The following HAGH variants were observed in gnomAD, a reference collection of about 807,000 sequenced individuals.
HAGH encodes hydroxyacylglutathione hydrolase.
A neutral mutation model predicts 35.1 loss-of-function variants in HAGH; 29 were observed. The observed-to-expected ratio is 0.83, with a 90% CI of 0.62 to 1.13. The LOEUF (loss-of-function observed/expected upper bound fraction) is 1.13, where lower values mean the gene tolerates loss of function less well. HAGH is among the 50% of genes most tolerant of loss of function. HAGH has a pLI of 0.00. For synonymous variants in HAGH, 225 were observed against 176.1 expected, an observed-to-expected ratio of 1.28 and a Z score of -2.20; for missense variants, 478 against 419.6, an observed-to-expected ratio of 1.14 and a Z score of -1.22.
intron 5 of HAGH, among the ~76,000 whole-genome samples, chr16:1,817,620 T>C (rs1343674937): frequency 1.3e-5 from 2 of 152,204 alleles, no homozygotes; most frequent in Non-Finnish European, 2.9e-5. Context: ...GGCTCCCATC[T>C]TCCCTTGGCC....
At chr16:1,824,672 T>C (rs1319438714) in intron 1 of HAGH, among the ~76,000 whole-genome samples, 2 of 152,122 alleles carry the variant, frequency 1.3e-5, no homozygotes, top group Non-Finnish European at 2.9e-5. Context: ...CACACGCGTC[T>C]CCAGGGCCCA....
intron 7 of HAGH, among the ~76,000 whole-genome samples, chr16:1,815,880 G>A (rs190121231): frequency 4.6e-5 from 7 of 151,828 alleles, no homozygotes; most frequent in East Asian, 2.0e-4. Flanking sequence ...TTAGCTGGGC[G>A]TGTTGGCTGG....
chr16:1,821,978 A>C (rs1187604142), intron 3 of HAGH: 5 of 259,984 alleles, frequency 1.9e-5, no homozygotes, highest in South Asian at 1.6e-4. Context: ...AAAACCACTC[A>C]CCTGTAGACT....
At chr16:1,820,079 G>A in intron 3 of HAGH, 65 bp from the exon 4 acceptor site, 1 of 850,090 alleles carries the variant, frequency 1.2e-6, no homozygotes, top group South Asian at 1.4e-5. Context: ...TGAGCTGAGG[G>A]GGCTGCCTGC....
intron 7 of HAGH, among the ~76,000 whole-genome samples, chr16:1,813,938 C>T (rs1897773442): frequency 6.6e-6 from 1 of 152,154 alleles, no homozygotes; most frequent in Non-Finnish European, 1.5e-5. Context: ...CAAGGCAATC[C>T]AGGGAGGAAA....
chr16:1,811,583 CAT>C (rs1567251772), intron 7 of HAGH, among the ~76,000 whole-genome samples: 1 of 151,588 alleles, frequency 6.6e-6, no homozygotes, highest in East Asian at 2.0e-4. Context: ...CGTGGTGGCA[CAT>C]GTCTGTAATT....
At chr16:1,819,325 T>C (rs2076452) in intron 4 of HAGH, 102 bp from the exon 5 acceptor site, 174,862 of 674,008 alleles carry the variant, frequency 0.26, 24,740 homozygotes, top group East Asian at 0.47. Flanking sequence ...TCCTCAGCTC[T>C]GAGGGAAATG....
chr16:1,812,677 A>G (rs1303230434), intron 7 of HAGH, among the ~76,000 whole-genome samples: 2 of 152,180 alleles, frequency 1.3e-5, no homozygotes, highest in Non-Finnish European at 2.9e-5. Flanking sequence ...CCTTGGGATA[A>G]ACAAAGATTT....
chr16:1,823,635 C>G (rs560723203), intron 1 of HAGH, among the ~76,000 whole-genome samples: 1 of 150,244 alleles, frequency 6.7e-6, no homozygotes, highest in East Asian at 2.0e-4. Context: ...CCCAGCTACT[C>G]CGGAGGCTGA....
rs1295870972 is a variant in HAGH at position 1,809,829 on chromosome 16, T to C, written c.752A>G (p.Lys251Arg). ...IREKLAWAKEKYSIGEPTVPS... is the reference protein window; with the variant it reads ...IREKLAWAKERYSIGEPTVPS... ...CACTGTGGGCTCCCCGATGCTGTAC[T>C]TCTCCTGCAAGAGAAACGCACCACT... Residue 251 changes from lysine to arginine, a missense_variant, in exon 8 of 9, where the codon AAG becomes AGG. Coordinates refer to ENST00000397356, the MANE Select transcript of HAGH (RefSeq NM_005326.6). The C allele has an allele frequency of 2.5e-6, 4 of 1,612,934 alleles. No homozygotes were observed. The highest frequency in any genetic ancestry group is 3.4e-6 in the Non-Finnish European group (4 of 1,178,916).
At position 1,822,900 on chromosome 16, in the gene HAGH, C is replaced by T. The variant is rs143289307; in HGVS notation, c.214G>A (p.Glu72Lys). ...MYLVIDDETK[E>K]AAIVDPVQPQ... ...TGCACCGGATCCACAATGGCAGCCTCCTTGGTCTCATCATCAATGACCAGG... is the reference window on the plus strand; with the variant it reads ...TGCACCGGATCCACAATGGCAGCCTTCTTGGTCTCATCATCAATGACCAGG... The change falls in exon 2 of 9, where the codon GAG becomes AAG. Residue 72 changes from glutamate (E) to lysine (K), a missense_variant. Coordinates refer to ENST00000397356, the MANE Select transcript of HAGH (RefSeq NM_005326.6). 3.0e-5 allele frequency: 49 copies of T among 1,613,748 alleles called. No individual in the cohort carries two copies. In the African/African-American group the frequency reaches 3.9e-4, roughly 13 times the overall value.
Position 1,822,276 on chromosome 16 carries a change from C to T in HAGH, c.314+24G>A, listed in dbSNP as rs142111277. On this transcript the variant is annotated intron_variant, in intron 3 of 8. Transcript: ENST00000397356. The stretch of plus-strand genomic sequence containing the variant: ...GCGAGAAGTGAGCCAGGTCCCACAC[C>T]CCCAGGTGAGACGCGGCACTTACCA... 696 of 1,545,172 alleles carry T rather than the reference C, an allele frequency of 4.5e-4. 1 individual carries two copies. The highest frequency in any genetic ancestry group is 3.9e-3 in the Middle Eastern group (23 of 5,926).
At chr16:1,816,671 C>T (rs902386049) in intron 7 of HAGH, among the ~76,000 whole-genome samples, 1 of 152,248 alleles carries the variant, frequency 6.6e-6, no homozygotes, top group African/African-American at 2.4e-5. Flanking sequence ...GCGCTTTTTA[C>T]ACACGCAGCG....
In HAGH at chr16:1,808,297, A is replaced by C. The variant is rs953756183; in HGVS notation, c.*986T>G. On this transcript the variant is annotated 3_prime_UTR_variant, in exon 9 of 9. Transcript: ENST00000397356. ...TAACTTTTTAAAAAGATTATTATTA[A>C]ATTTCATATTTTTTTTTTTTTGAGA... 4.0e-5 allele frequency: 6 copies of C among 151,398 alleles called. No individual in the cohort carries two copies. Among genetic ancestry groups the C allele is most frequent in the African/African-American group, 1.2e-4 (5 of 41,110 alleles). 9.4% of individuals were successfully genotyped at this position (151,398 alleles called of 1,614,324 possible).
rs144480059 is a variant in HAGH, at chr16:1,820,036, T to TGGGCTGCCTGCTGAGCTGAGG, written c.315-43_315-23dup. 1.8e-3 allele frequency: 2,036 copies of TGGGCTGCCTGCTGAGCTGAGG among 1,130,160 alleles called. 19 individuals are homozygous for TGGGCTGCCTGCTGAGCTGAGG. Among genetic ancestry groups the TGGGCTGCCTGCTGAGCTGAGG allele is most frequent in the African/African-American group, 0.017 (1,087 of 65,136 alleles). 70.0% of individuals were successfully genotyped at this position (1,130,160 alleles called of 1,614,324 possible). On this transcript the variant is annotated intron_variant, in intron 3 of 8. Transcript: ENST00000397356. Reference sequence around the variant, plus strand: ...GTCCCTAGAAGTCAAACAGGAGACCTGGGCTGCCTGCTGAGCTGAGGGGGC... The same window carrying TGGGCTGCCTGCTGAGCTGAGG: ...GTCCCTAGAAGTCAAACAGGAGACCTGGGCTGCCTGCTGAGCTGAGGGGGCTGCCTGCTGAGCTGAGGGGGC...
At chr16:1,810,291 A>G (rs1897587284) in intron 7 of HAGH, 4 of 164,880 alleles carry the variant, frequency 2.4e-5, no homozygotes. Context: ...GTCCGGGATG[A>G]GCCACACATC....
intron 7 of HAGH, chr16:1,811,024 A>G (rs1897625763): frequency 6.6e-6 from 1 of 152,252 alleles, no homozygotes; most frequent in African/African-American, 2.4e-5. Context: ...AAACAGAGGA[A>G]GTACAAATTG....
chr16:1,812,892 G>T (rs905954606), intron 7 of HAGH, among the ~76,000 whole-genome samples: 4 of 126,408 alleles, frequency 3.2e-5, no homozygotes, highest in African/African-American at 6.0e-5. Context: ...TGGCTCCACC[G>T]TGTGGTGTGC....
Position 1,809,813 on chromosome 16 carries a change from CT to C in HAGH, c.767del (p.Glu256GlyfsTer18). 6.2e-7 allele frequency: 1 copy of C among 1,613,486 alleles called. No homozygotes were observed. Among genetic ancestry groups the C allele is most frequent in the Non-Finnish European group, 8.5e-7 (1 of 1,179,404 alleles). On this transcript the variant is annotated frameshift_variant, in exon 8 of 9. Transcript: ENST00000397356. LOFTEE classifies it high-confidence loss of function. ...CTGCCAGGGTGGATGGCACTGTGGG[CT>C]CCCCGATGCTGTACTTCTCCTGCAA... ...AWAKEKYSIG[E>X]PTVPSTLAEE... is the part of the protein sequence containing the mutation.
Sources: gnomAD v4.1 joint callset for allele counts (sites outside exome capture counted in the v4.1 genomes callset) on GRCh38, gnomAD v4.1.1 for gene constraint, MANE v1.5 for transcripts, NCBI Gene and HGNC (gene_info 2026-07-23, HGNC 2026-07-21) for gene names.